DPP10: variants seen among roughly 807,000 people sequenced by gnomAD.
The protein encoded by DPP10 is inactive dipeptidyl peptidase 10.
Under a neutral mutation model 120.9 loss-of-function variants are expected in DPP10, and 33 were observed. The ratio of observed to expected loss-of-function variants is 0.27; its 90% CI spans 0.21 to 0.37. The LOEUF is 0.37. Among genes scored for constraint, DPP10 ranks in the 10% least tolerant of loss-of-function variants. The probability of loss-of-function intolerance (pLI) is 1.00; values close to 1 mark genes in which losing one functional copy is unlikely to be tolerated. For synonymous variants in DPP10, 337 were observed against 326.1 expected (o/e 1.03, Z -0.36); for missense variants, 816 against 942.8 (o/e 0.87, Z 1.76).
chr2:115,006,213 G>A (rs1701828587), intron 1 of DPP10, among the ~76,000 whole-genome samples: 1 of 151,916 alleles, frequency 6.6e-6, no homozygotes, highest in Non-Finnish European at 1.5e-5. Context: ...AGCTCCTGAA[G>A]GAAGCATTAA....
chr2:115,400,004 A>G (rs1379362048), intron 3 of DPP10, among the ~76,000 whole-genome samples: 1 of 152,182 alleles, frequency 6.6e-6, no homozygotes, highest in Non-Finnish European at 1.5e-5. Context: ...AGGTAAAAAC[A>G]GAGCAGGACG....
chr2:115,436,906 C>T (rs1050580322), intron 3 of DPP10, among the ~76,000 whole-genome samples: 2 of 151,854 alleles, frequency 1.3e-5, no homozygotes, highest in East Asian at 3.9e-4. Flanking sequence ...AATTAATATT[C>T]TAGCCTACCA....
intron 5 of DPP10, among the ~76,000 whole-genome samples, chr2:115,590,629 C>T (rs546057590): frequency 6.8e-6 from 1 of 147,742 alleles, no homozygotes; most frequent in Admixed American, 6.6e-5. Flanking sequence ...AATAAACATA[C>T]GTGTGAATGT....
At chr2:115,141,001 C>G (rs2104840388) in intron 1 of DPP10, among the ~76,000 whole-genome samples, 1 of 151,060 alleles carries the variant, frequency 6.6e-6, no homozygotes, top group South Asian at 2.1e-4. Flanking sequence ...TAAAAATCAC[C>G]AGAGTTTGTG....
chr2:114,888,453 T>A, intron 1 of DPP10, among the ~76,000 whole-genome samples: 1 of 152,170 alleles, frequency 6.6e-6, no homozygotes, highest in East Asian at 1.9e-4. Context: ...ATCTGTATAA[T>A]GATCAAGATT....
chr2:115,564,036 C>T (rs1288127695), intron 5 of DPP10, among the ~76,000 whole-genome samples: 1 of 152,144 alleles, frequency 6.6e-6, no homozygotes, highest in Admixed American at 6.5e-5. Flanking sequence ...ACCACATTCT[C>T]TTTTTGAATC....
intron 3 of DPP10, among the ~76,000 whole-genome samples, chr2:115,432,395 T>G (rs2071075899): frequency 6.6e-6 from 1 of 152,088 alleles, no homozygotes. Flanking sequence ...GAGTTGGTTT[T>G]GCTCTCATTG....
At chr2:114,583,585 C>A (rs562948476) in intron 1 of DPP10, among the ~76,000 whole-genome samples, 97 of 152,306 alleles carry the variant, frequency 6.4e-4, no homozygotes, top group African/African-American at 2.2e-3. Context: ...AATTTTAAAT[C>A]ATAGTTTCTT....
intron 1 of DPP10, among the ~76,000 whole-genome samples, chr2:114,758,427 C>T (rs1024471581): frequency 1.3e-5 from 2 of 152,246 alleles, no homozygotes; most frequent in African/African-American, 4.8e-5. Flanking sequence ...AGGGTTTTTT[C>T]CCTCGTCTAC....
Position 114,942,318 on chromosome 2 carries a change from T to C in DPP10, c.61-366921T>C, listed in dbSNP as rs149347761. On this transcript the variant is annotated intron_variant, in intron 1 of 25. Transcript: ENST00000410059. ...ATATACATATATATATATATATATATATACACACACATATATATATACGTA... is the reference window on the plus strand; with the variant it reads ...ATATACATATATATATATATATATACATACACACACATATATATATACGTA... 9.1e-3 allele frequency among the ~76,000 whole-genome samples: 1,122 copies of C among 123,966 alleles called. 16 individuals are homozygous for C. Among genetic ancestry groups the C allele is most frequent in the Middle Eastern group, 0.031 (8 of 262 alleles). 81.3% of individuals were successfully genotyped at this position (123,966 alleles called of 152,430 possible). A position where few individuals can be genotyped will look rare whatever the true frequency, so the allele number is the denominator to read the frequency against.
At position 115,815,655 on chromosome 2, in the gene DPP10, G is replaced by T; in HGVS notation, c.1896-20G>T. The T allele has an allele frequency of 6.3e-7, 1 of 1,594,258 alleles. No individual in the cohort carries two copies. The highest frequency in any genetic ancestry group is 8.6e-7 in the Non-Finnish European group (1 of 1,168,770). On this transcript the variant is annotated intron_variant, in intron 20 of 25. Coordinates refer to ENST00000410059, the MANE Select transcript of DPP10 (RefSeq NM_020868.6). ...TTTAACTCACAAAGATATAACTATT[G>T]TTTTTCGTTTTCATTGCAGATTTTT... is the stretch of plus-strand genomic sequence containing the variant.
intron 3 of DPP10, among the ~76,000 whole-genome samples, chr2:115,490,180 G>C (rs55929901): frequency 0.1 from 15,209 of 152,070 alleles, 1,427 homozygotes; most frequent in East Asian, 0.24. Context: ...CCTGAGACTG[G>C]GTAATTTATA....
intron 1 of DPP10, among the ~76,000 whole-genome samples, chr2:114,978,517 C>A (rs1699890763): frequency 6.6e-6 from 1 of 152,096 alleles, no homozygotes; most frequent in Non-Finnish European, 1.5e-5. Context: ...CATAGGGATT[C>A]TCAAGAATCT....
At chr2:115,468,947 T>G in intron 3 of DPP10, 1 of 240,066 alleles carries the variant, frequency 4.2e-6, no homozygotes, top group South Asian at 4.6e-5. Context: ...AAGCTGTTCT[T>G]TCATAGATAC....
At position 115,476,167 on chromosome 2, in the gene DPP10, A is replaced by G. The variant is rs1050629741; in HGVS notation, c.272-23343A>G. Reference sequence around the variant, plus strand: ...ATCTCATGTGGAATTGTAATCTCCAATGCTGGACCTAAAGCCTGATTTGAG... The same window carrying G: ...ATCTCATGTGGAATTGTAATCTCCAGTGCTGGACCTAAAGCCTGATTTGAG... On this transcript the variant is annotated intron_variant, in intron 3 of 25. Transcript: ENST00000410059. Among the ~76,000 whole-genome samples the G allele has an allele frequency of 2.6e-5, 4 of 152,276 alleles. No homozygotes were observed. The East Asian group carries it at 5.8e-4, about 22-fold the overall frequency.
intron 1 of DPP10, among the ~76,000 whole-genome samples, chr2:114,973,530 C>A (rs573830539): frequency 6.6e-6 from 1 of 151,294 alleles, no homozygotes; most frequent in African/African-American, 2.4e-5. Context: ...GGCGTGGTGG[C>A]GGGTGCCTGT....
chr2:115,396,206 T>C (rs377581848), intron 3 of DPP10, among the ~76,000 whole-genome samples: 2 of 152,192 alleles, frequency 1.3e-5, no homozygotes, highest in Non-Finnish European at 1.5e-5. Flanking sequence ...TATCTAGGTG[T>C]CCTTATACCT....
At chr2:115,255,388 C>T (rs2058939190) in intron 1 of DPP10, among the ~76,000 whole-genome samples, 1 of 152,172 alleles carries the variant, frequency 6.6e-6, no homozygotes, top group African/African-American at 2.4e-5. Context: ...ATTTTTCCTT[C>T]CTGTGCCTCT....
intron 1 of DPP10, among the ~76,000 whole-genome samples, chr2:114,537,202 C>G (rs977487963): frequency 6.6e-6 from 1 of 152,056 alleles, no homozygotes; most frequent in Non-Finnish European, 1.5e-5. Context: ...CCAATGAGCT[C>G]AGGGATGTGA....
Sources: gnomAD v4.1 joint callset for allele counts (sites outside exome capture counted in the v4.1 genomes callset) on GRCh38, gnomAD v4.1.1 for gene constraint, MANE v1.5 for transcripts, NCBI Gene and HGNC (gene_info 2026-07-23, HGNC 2026-07-21) for gene names.